TBCK: variants seen among roughly 807,000 people sequenced by gnomAD.
The protein encoded by TBCK is TBC domain-containing protein kinase-like protein.
A neutral mutation model predicts 113.4 loss-of-function variants in TBCK; 99 were observed. That is an observed-to-expected ratio of 0.87 (90% CI 0.74 to 1.03). The LOEUF is 1.03. Ranked by LOEUF, TBCK falls within the 50% of genes least tolerant of loss-of-function variation. The pLI is 0.00. For missense variants in TBCK, 1,045 were observed against 1,061.3 expected (o/e 0.98, Z 0.21); for synonymous variants, 369 against 370.8 (o/e 1.00, Z 0.05).
chr4:106,121,006 T>G (rs1188733832), intron 23 of TBCK, among the ~76,000 whole-genome samples: 10 of 152,046 alleles, frequency 6.6e-5, no homozygotes, highest in Non-Finnish European at 1.3e-4. Context: ...CTTCAGACGA[T>G]CAAATTACTC....
intron 23 of TBCK, among the ~76,000 whole-genome samples, chr4:106,148,490 A>C (rs1748097379): frequency 6.6e-6 from 1 of 152,180 alleles, no homozygotes. Flanking sequence ...CAGGTTCCCC[A>C]ATATATTATG....
intron 22 of TBCK, among the ~76,000 whole-genome samples, chr4:106,173,678 T>C (rs1751297203): frequency 6.6e-6 from 1 of 152,264 alleles, no homozygotes; most frequent in African/African-American, 2.4e-5. Context: ...TCTACCCTGA[T>C]GGTTAGTTCT....
At chr4:106,109,443 C>T (rs1200280428) in intron 24 of TBCK, among the ~76,000 whole-genome samples, 4 of 152,038 alleles carry the variant, frequency 2.6e-5, no homozygotes, top group Non-Finnish European at 4.4e-5. Context: ...ACTAATGGAA[C>T]AGAATAGAGA....
intron 3 of TBCK, among the ~76,000 whole-genome samples, chr4:106,281,517 A>C (rs979920822): frequency 6.6e-6 from 1 of 152,042 alleles, no homozygotes; most frequent in Non-Finnish European, 1.5e-5. Flanking sequence ...AAAGGCTTTC[A>C]GTTTTTCCCC....
chr4:106,203,681 G>C (rs1245145335), intron 20 of TBCK, among the ~76,000 whole-genome samples: 1 of 150,302 alleles, frequency 6.7e-6, no homozygotes, highest in Non-Finnish European at 1.5e-5. Context: ...TAATTTAATG[G>C]TTCTGAGATC....
At chr4:106,113,746 C>T (rs904357123) in intron 24 of TBCK, among the ~76,000 whole-genome samples, 2 of 152,220 alleles carry the variant, frequency 1.3e-5, no homozygotes, top group African/African-American at 4.8e-5. Context: ...TGGACACAGA[C>T]ACCATTCACT....
intron 3 of TBCK, among the ~76,000 whole-genome samples, chr4:106,283,071 T>C (rs946186296): frequency 6.6e-6 from 1 of 152,164 alleles, no homozygotes; most frequent in Non-Finnish European, 1.5e-5. Flanking sequence ...AAGAAATTCA[T>C]ATTTGCATCA....
At chr4:106,286,501 T>C (rs1299653905) in intron 3 of TBCK, among the ~76,000 whole-genome samples, 1 of 152,182 alleles carries the variant, frequency 6.6e-6, no homozygotes, top group East Asian at 1.9e-4. Context: ...TGTATCCTTA[T>C]ATAATACAAT....
intron 25 of TBCK, among the ~76,000 whole-genome samples, chr4:106,090,075 T>A (rs565947739): frequency 1.1e-4 from 17 of 152,358 alleles, no homozygotes; most frequent in African/African-American, 3.8e-4. Context: ...AGTTTCTCTG[T>A]GGGGGCTCTG....
rs1447245838 is a variant in TBCK, at chr4:106,044,964, TAAAAC to T, written c.*1601_*1605del. The T allele has an allele frequency of 6.6e-6, 1 of 152,042 alleles. No homozygotes were observed. Among genetic ancestry groups the T allele is most frequent in the Admixed American group, 6.5e-5 (1 of 15,268 alleles). 9.4% of individuals were successfully genotyped at this position (152,042 alleles called of 1,614,324 possible). On this transcript the variant is annotated 3_prime_UTR_variant, in exon 26 of 26. Coordinates refer to ENST00000394708, the MANE Select transcript of TBCK (RefSeq NM_001163435.3). ...TATAGATGAATGAACACTTTTTAGT[TAAAAC>T]AAAATTGAAGATAATTAAAGGATAT...
chr4:106,184,672 T>C (rs1200679888), intron 22 of TBCK, among the ~76,000 whole-genome samples: 2 of 152,032 alleles, frequency 1.3e-5, no homozygotes, highest in Non-Finnish European at 2.9e-5. Flanking sequence ...AAACACAATC[T>C]TCTTAGTTAA....
At chr4:106,168,116 T>A (rs1215340318) in intron 23 of TBCK, among the ~76,000 whole-genome samples, 3 of 151,710 alleles carry the variant, frequency 2.0e-5, no homozygotes, top group Admixed American at 2.0e-4. Context: ...CAAAGTCAAA[T>A]CCAACAATGT....
chr4:106,276,890 T>A (rs1764086396), intron 3 of TBCK, among the ~76,000 whole-genome samples: 1 of 150,822 alleles, frequency 6.6e-6, no homozygotes, highest in African/African-American at 2.4e-5. Context: ...ATAAATAAAA[T>A]AAAATAAATA....
intron 25 of TBCK, among the ~76,000 whole-genome samples, chr4:106,056,770 G>C (rs941011504): frequency 6.7e-6 from 1 of 150,296 alleles, no homozygotes; most frequent in Non-Finnish European, 1.5e-5. Context: ...TTGTCCTTAA[G>C]CAAAGTAAGT....
chr4:106,222,105 G>T (rs772991276), intron 19 of TBCK, among the ~76,000 whole-genome samples: 2 of 151,828 alleles, frequency 1.3e-5, no homozygotes, highest in African/African-American at 4.8e-5. Context: ...ATAAATTAAG[G>T]TTCTTATTAA....
intron 23 of TBCK, among the ~76,000 whole-genome samples, chr4:106,147,477 C>G (rs902412959): frequency 2.0e-5 from 3 of 152,174 alleles, no homozygotes; most frequent in African/African-American, 7.2e-5. Context: ...GGCAGAAGAA[C>G]GTGGATTGTG....
At chr4:106,151,705 A>T (rs900741204) in intron 23 of TBCK, among the ~76,000 whole-genome samples, 1 of 151,880 alleles carries the variant, frequency 6.6e-6, no homozygotes, top group Non-Finnish European at 1.5e-5. Context: ...AACAATATTA[A>T]TTTTTTCAAC....
At chr4:106,121,938 C>A (rs1487819279) in intron 23 of TBCK, among the ~76,000 whole-genome samples, 1 of 152,022 alleles carries the variant, frequency 6.6e-6, no homozygotes, top group South Asian at 2.1e-4. Context: ...ATCTAAAATT[C>A]ACACCCTAAC....
intron 23 of TBCK, among the ~76,000 whole-genome samples, chr4:106,130,922 A>C (rs907687333): frequency 1.3e-5 from 2 of 152,202 alleles, no homozygotes; most frequent in African/African-American, 2.4e-5. Context: ...TAGATCTGGC[A>C]CTGAAAAACA....
Sources: allele counts gnomAD v4.1 joint callset (sites outside exome capture counted in the v4.1 genomes callset), GRCh38; gene constraint gnomAD v4.1.1; transcripts MANE v1.5; gene names NCBI Gene and HGNC (gene_info 2026-07-23, HGNC 2026-07-21).